The following DZIP1 variants were observed in gnomAD, a reference collection of about 807,000 sequenced individuals.
The protein encoded by DZIP1 is DAZ interacting zinc finger protein 1, also known as cilium assembly protein DZIP1.
A neutral mutation model predicts 107.6 loss-of-function variants in DZIP1; 97 were observed. The ratio of observed to expected loss-of-function variants is 0.90; its 90% confidence interval spans 0.77 to 1.07. DZIP1 has a LOEUF of 1.07. Among genes scored for constraint, DZIP1 ranks in the 50% least tolerant of loss-of-function variants. The pLI, the probability that DZIP1 is intolerant of heterozygous loss-of-function variation, is 0.00. For missense variants in DZIP1, 1,035 were observed against 1,063.6 expected (o/e 0.97, Z 0.37); for synonymous variants, 390 against 386.4 (o/e 1.01, Z -0.11).
At chr13:95,614,019 G>A (rs994482868) in intron 10 of DZIP1, among the ~76,000 whole-genome samples, 3 of 151,620 alleles carry the variant, frequency 2.0e-5, no homozygotes, top group East Asian at 1.9e-4. Context: ...CTAGTTCCTC[G>A]GGAGGCTGAG....
At position 95,580,355 on chromosome 13, in the gene DZIP1, A is replaced by AGAT. The variant is rs2043996656; in HGVS notation, c.*1876_*1878dup. On this transcript the variant is annotated 3_prime_UTR_variant, in exon 23 of 23. Transcript: ENST00000376829. ...CTGTCTCAAAAAAAAAAAAAAAAAAAGATACAACTAACCATGTAAGCTAAA... is the reference window on the plus strand; with the variant it reads ...CTGTCTCAAAAAAAAAAAAAAAAAAAGATGATACAACTAACCATGTAAGCTAAA... 1 of 151,696 alleles carries AGAT rather than the reference A, an allele frequency of 6.6e-6. No individual in the cohort carries two copies. Among genetic ancestry groups the AGAT allele is most frequent in the South Asian group, 2.1e-4 (1 of 4,810 alleles). 9.4% of individuals were successfully genotyped at this position (151,696 alleles called of 1,614,324 possible).
chr13:95,584,803 A>AT lies in DZIP1; in HGVS notation c.2456dup (p.Asn819LysfsTer2), dbSNP rs1423951250. The AT allele has an allele frequency of 6.2e-7, 1 of 1,614,074 alleles. No individual in the cohort carries two copies. Among genetic ancestry groups the AT allele is most frequent in the Admixed American group, 1.7e-5 (1 of 60,008 alleles). Reference sequence around the variant, plus strand: ...TTAGCACATGAGCAAAATGTGGTTCATTTTTCGCAGGTGGAGGTTCCTTCT... The same window carrying AT: ...TTAGCACATGAGCAAAATGTGGTTCATTTTTTCGCAGGTGGAGGTTCCTTCT... On this transcript the variant is annotated frameshift_variant, in exon 22 of 23. Transcript: ENST00000376829. LOFTEE classifies it high-confidence loss of function.
chr13:95,606,506 C>T (rs1230480655), intron 13 of DZIP1, among the ~76,000 whole-genome samples: 1 of 152,320 alleles, frequency 6.6e-6, no homozygotes, highest in East Asian at 1.9e-4. Flanking sequence ...TCCCTTGCGT[C>T]TGGTTTTGCT....
Position 95,586,128 on chromosome 13 carries a change from C to A in DZIP1, c.2227G>T (p.Val743Phe), listed in dbSNP as rs567223532. The A allele has an allele frequency of 4.4e-5, 71 of 1,607,262 alleles. No individual in the cohort carries two copies. The highest frequency in any genetic ancestry group is 5.6e-5 in the Non-Finnish European group (66 of 1,177,970). The change falls in exon 21 of 23, where the codon GTT (valine) becomes TTT (phenylalanine). Residue 743 changes from valine (V) to phenylalanine (F), a missense_variant. Val to Phe is a conservative substitution (Grantham distance 50, BLOSUM62 -1). Coordinates refer to ENST00000376829, the MANE Select transcript of DZIP1 (RefSeq NM_198968.4). ...TCAACTTTTTCAGTAGGTGTTTTAA[C>A]GGCGACTCCTATAAGATCAATAAAA... is the stretch of plus-strand genomic sequence containing the variant. ...DDSPKPAGVA[V>F]KTPTEKVEKM...
intron 14 of DZIP1, 85 bp from the exon 15 acceptor site, chr13:95,599,509 T>C (rs1594666733): frequency 8.2e-7 from 1 of 1,215,330 alleles, no homozygotes; most frequent in Non-Finnish European, 1.2e-6. Flanking sequence ...TTGAAAGATA[T>C]CATTCCATGG....
intron 14 of DZIP1, among the ~76,000 whole-genome samples, chr13:95,603,217 G>A (rs1434544255): frequency 2.8e-5 from 4 of 145,058 alleles, no homozygotes; most frequent in Non-Finnish European, 5.9e-5. Flanking sequence ...CTACGTGGGA[G>A]GATCACTTGA....
At chr13:95,586,480 G>A (rs984209877) in intron 20 of DZIP1, among the ~76,000 whole-genome samples, 5 of 152,092 alleles carry the variant, frequency 3.3e-5, no homozygotes, top group Non-Finnish European at 7.3e-5. Context: ...GATTACAGGT[G>A]AGAGCGACTG....
chr13:95,626,296 AATTTG>A (rs1450170109), intron 7 of DZIP1, among the ~76,000 whole-genome samples: 24 of 152,194 alleles, frequency 1.6e-4, no homozygotes, highest in Admixed American at 1.6e-3. Context: ...ATGAAGCCAA[AATTTG>A]GTTCTTTACA....
At chr13:95,603,509 T>G (rs2044682079) in intron 14 of DZIP1, among the ~76,000 whole-genome samples, 1 of 151,998 alleles carries the variant, frequency 6.6e-6, no homozygotes, top group Non-Finnish European at 1.5e-5. Context: ...ACTGCACTCG[T>G]CGCTCTAAAA....
chr13:95,637,247 G>C (rs1877914145), intron 5 of DZIP1: 1 of 152,166 alleles, frequency 6.6e-6, no homozygotes, highest in African/African-American at 2.4e-5. Context: ...GATTTTGAAT[G>C]AGCACATAAA....
intron 15 of DZIP1, among the ~76,000 whole-genome samples, chr13:95,598,307 T>C (rs2044516353): frequency 6.6e-6 from 1 of 152,072 alleles, no homozygotes; most frequent in Admixed American, 6.6e-5. Context: ...CTGTCTAAAA[T>C]ATACAACATC....
At position 95,641,764 on chromosome 13, in the gene DZIP1, A is replaced by G. The variant is rs747967368; in HGVS notation, c.128T>C (p.Met43Thr). The stretch of plus-strand genomic sequence containing the variant: ...AGCCGCGCTGGGGGGCGCACAGGCC[A>G]TGGAGGCCGCACCCGCGGCGGCGGC... ...VAAAAAGAAS[M>T]ACAPPSAASG... Residue 43 changes from methionine to threonine, a missense_variant, in exon 5 of 23, where the codon ATG becomes ACG. Coordinates refer to ENST00000376829, the MANE Select transcript of DZIP1 (RefSeq NM_198968.4). This position sits in a 1 kb window ranked among gnomAD's most constrained non-coding sequence, Gnocchi z 4.3. 3.2e-6 allele frequency: 5 copies of G among 1,568,142 alleles called. No individual in the cohort carries two copies. The African/African-American group carries it at 4.1e-5, about 13-fold the overall frequency.
At chr13:95,610,779 C>G (rs1388659604) in intron 12 of DZIP1, among the ~76,000 whole-genome samples, 1 of 152,142 alleles carries the variant, frequency 6.6e-6, no homozygotes, top group Non-Finnish European at 1.5e-5. Context: ...AATTACACGG[C>G]AACAGTGGCA....
At chr13:95,627,244 G>A (rs1364583698) in intron 7 of DZIP1, among the ~76,000 whole-genome samples, 3 of 152,110 alleles carry the variant, frequency 2.0e-5, no homozygotes, top group Admixed American at 6.5e-5. Flanking sequence ...AGGATGTTAG[G>A]AACATTCAAT....
At chr13:95,617,223 A>G (rs971381879) in intron 10 of DZIP1, among the ~76,000 whole-genome samples, 4 of 152,022 alleles carry the variant, frequency 2.6e-5, no homozygotes, top group Admixed American at 1.3e-4. Context: ...AAAAGAAATA[A>G]GAAGTCCCAG....
At chr13:95,630,342 G>A (rs181869376) in intron 6 of DZIP1, among the ~76,000 whole-genome samples, 337 of 152,228 alleles carry the variant, frequency 2.2e-3, no homozygotes, top group Non-Finnish European at 3.0e-3. Context: ...GCTGTGTTGA[G>A]GTTGGATTAT....
At chr13:95,600,396 C>T (rs2044577841) in intron 14 of DZIP1, among the ~76,000 whole-genome samples, 1 of 152,020 alleles carries the variant, frequency 6.6e-6, no homozygotes, top group African/African-American at 2.4e-5. Context: ...GGGTGATGAG[C>T]CAGGGTAAAA....
chr13:95,641,850 G>T lies in DZIP1; in HGVS notation c.42C>A (p.Phe14Leu). The T allele has an allele frequency of 1.4e-6, 2 of 1,411,644 alleles. No individual in the cohort carries two copies. Among genetic ancestry groups the T allele is most frequent in the Non-Finnish European group, 1.8e-6 (2 of 1,086,542 alleles). 87.4% of individuals were successfully genotyped at this position (1,411,644 alleles called of 1,614,324 possible). The change falls in exon 5 of 23, where the codon TTC becomes TTA. Residue 14 changes from phenylalanine to leucine, a missense_variant. Coordinates refer to ENST00000376829, the MANE Select transcript of DZIP1 (RefSeq NM_198968.4). This position sits in a 1 kb window ranked among gnomAD's most constrained non-coding sequence, Gnocchi z 4.3. ...CGAGCGGGTAGTAGACATGCTTCTG[G>T]AAGGGCTGCGGGGGGCACAAAGAGA... ...EAADWFSSMP[F>L]QKHVYYPLAS...
intron 5 of DZIP1, among the ~76,000 whole-genome samples, chr13:95,636,465 C>A (rs1439384536): frequency 6.6e-6 from 1 of 150,846 alleles, no homozygotes; most frequent in Non-Finnish European, 1.5e-5. Flanking sequence ...ATCGCTTGAA[C>A]CTGGGAGGTG....
Sources: allele counts gnomAD v4.1 joint callset (sites outside exome capture counted in the v4.1 genomes callset), GRCh38; gene constraint gnomAD v4.1.1; non-coding constraint Gnocchi (gnomAD v3.1); transcripts MANE v1.5; gene names NCBI Gene and HGNC (gene_info 2026-07-23, HGNC 2026-07-21).